Variants in PTPRK observed in about 807,000 individuals in gnomAD.
PTPRK encodes receptor-type tyrosine-protein phosphatase kappa.
In PTPRK, 75 loss-of-function variants were observed where a neutral mutation model predicts 178.0. That is an observed-to-expected ratio of 0.42 (90% CI 0.35 to 0.51). PTPRK has a LOEUF of 0.51. Among genes scored for constraint, PTPRK ranks in the 20% least tolerant of loss-of-function variants. The pLI is 0.02. For missense variants in PTPRK, 1,441 were observed against 1,797.8 expected, an observed-to-expected ratio of 0.80 and a Z score of 3.59; for synonymous variants, 637 against 620.6, an observed-to-expected ratio of 1.03 and a Z score of -0.39.
intron 13 of PTPRK, among the ~76,000 whole-genome samples, chr6:128,014,304 C>A (rs117681542): frequency 1.7e-4 from 26 of 151,740 alleles, no homozygotes; most frequent in Non-Finnish European, 3.0e-4. Context: ...CACCACCTAT[C>A]ACCAAACCAA....
At chr6:128,137,667 A>G (rs1209742243) in intron 7 of PTPRK, among the ~76,000 whole-genome samples, 2 of 152,110 alleles carry the variant, frequency 1.3e-5, no homozygotes, top group Non-Finnish European at 2.9e-5. Context: ...CCTTTGCAGT[A>G]ATACATAGTT....
intron 1 of PTPRK, among the ~76,000 whole-genome samples, chr6:128,512,724 G>A (rs1217428787): frequency 6.6e-6 from 1 of 152,098 alleles, no homozygotes; most frequent in African/African-American, 2.4e-5. Flanking sequence ...TTTTTCTCTT[G>A]AGAAAACTGA....
chr6:128,368,750 A>G (rs1287336084), intron 2 of PTPRK, among the ~76,000 whole-genome samples: 4 of 152,124 alleles, frequency 2.6e-5, no homozygotes, highest in African/African-American at 9.7e-5. Context: ...TCTGCAACTA[A>G]GTTTCCATGT....
At chr6:128,494,952 TAAATA>T (rs1854443416) in intron 1 of PTPRK, among the ~76,000 whole-genome samples, 1 of 152,178 alleles carries the variant, frequency 6.6e-6, no homozygotes, top group Non-Finnish European at 1.5e-5. Context: ...AAAAAATAAA[TAAATA>T]AAATAAACAA....
intron 6 of PTPRK, among the ~76,000 whole-genome samples, chr6:128,187,047 C>T (rs1390901779): frequency 6.6e-6 from 1 of 152,040 alleles, no homozygotes; most frequent in Admixed American, 6.6e-5. Flanking sequence ...AATAAACAGT[C>T]ACAATATGCC....
rs531542025 is a variant in PTPRK, at chr6:128,393,038, AT to A, written c.223+4527del. Among the ~76,000 whole-genome samples, 282 of 151,098 alleles carry A rather than the reference AT, an allele frequency of 1.9e-3. 2 individuals carry two copies. Among genetic ancestry groups the A allele is most frequent in the Non-Finnish European group, 3.3e-3 (222 of 67,736 alleles). ...TTGACATTTTTGTCTAAGAAAAATA[AT>A]TTTTTTTGAGAAATAAAACACAAAA... is the stretch of plus-strand genomic sequence containing the variant. On this transcript the variant is annotated intron_variant, in intron 2 of 29. Transcript: ENST00000368226.
At position 128,319,982 on chromosome 6, in the gene PTPRK, A is replaced by AAAAC. The variant is rs550393783; in HGVS notation, c.495+2053_495+2056dup. Among the ~76,000 whole-genome samples, 4 of 152,326 alleles carry AAAAC rather than the reference A, an allele frequency of 2.6e-5. No individual in the cohort carries two copies. In the South Asian group the frequency reaches 8.3e-4, roughly 32 times the overall value. On this transcript the variant is annotated intron_variant, in intron 3 of 29. Transcript: ENST00000368226. ...AGGTTAAGGAAAAAGATGTGAGAGCAAAACAATCACTTAAGAAATTATCTA... is the reference window on the plus strand; with the variant it reads ...AGGTTAAGGAAAAAGATGTGAGAGCAAAACAAACAATCACTTAAGAAATTATCTA...
At chr6:128,229,930 G>A (rs1812020437) in intron 5 of PTPRK, among the ~76,000 whole-genome samples, 1 of 152,136 alleles carries the variant, frequency 6.6e-6, no homozygotes, top group Non-Finnish European at 1.5e-5. Flanking sequence ...ATTAGGGGGA[G>A]TATGTATCTT....
At chr6:128,036,333 A>C (rs1451869989) in intron 13 of PTPRK, among the ~76,000 whole-genome samples, 1 of 152,338 alleles carries the variant, frequency 6.6e-6, no homozygotes, top group East Asian at 1.9e-4. Context: ...ATGGATAACC[A>C]AATTGTAAGA....
chr6:128,242,966 C>T (rs1814738959), intron 3 of PTPRK, among the ~76,000 whole-genome samples: 1 of 152,078 alleles, frequency 6.6e-6, no homozygotes. Context: ...CATGGAGCAC[C>T]TACTATGTGC....
chr6:128,234,803 T>G (rs1023130114), intron 5 of PTPRK, among the ~76,000 whole-genome samples: 4 of 152,346 alleles, frequency 2.6e-5, no homozygotes, highest in East Asian at 3.9e-4. Context: ...CAAGTCTTTT[T>G]GTGGGCACAT....
At chr6:127,982,746 C>A in intron 24 of PTPRK, 85 bp downstream of exon 24, 1 of 1,260,132 alleles carries the variant, frequency 7.9e-7, no homozygotes, top group South Asian at 1.5e-5. Flanking sequence ...ATAAATTTGA[C>A]TTGAAAGACC....
intron 13 of PTPRK, among the ~76,000 whole-genome samples, chr6:128,051,692 T>C (rs541913905): frequency 6.6e-6 from 1 of 152,290 alleles, no homozygotes; most frequent in East Asian, 1.9e-4. Flanking sequence ...ATGGGTATCC[T>C]GCAAGGAGCT....
intron 6 of PTPRK, among the ~76,000 whole-genome samples, chr6:128,204,331 T>C (rs1806525521): frequency 6.6e-6 from 1 of 151,968 alleles, no homozygotes; most frequent in African/African-American, 2.4e-5. Flanking sequence ...TAGAAGGAAA[T>C]CTAGGCAATA....
intron 1 of PTPRK, among the ~76,000 whole-genome samples, chr6:128,419,990 C>G (rs1330026201): frequency 1.3e-5 from 2 of 152,196 alleles, no homozygotes; most frequent in East Asian, 3.9e-4. Flanking sequence ...TAATAGCTGT[C>G]TAGTACTAAA....
chr6:128,142,572 A>G (rs1795930183), intron 7 of PTPRK, among the ~76,000 whole-genome samples: 1 of 151,630 alleles, frequency 6.6e-6, no homozygotes, highest in Admixed American at 6.6e-5. Flanking sequence ...ACACACACAC[A>G]CGTGTGGTTT....
At chr6:128,321,834 C>G (rs1390140917) in intron 3 of PTPRK, 18 of 734,208 alleles carry the variant, frequency 2.5e-5, no homozygotes, top group Middle Eastern at 2.3e-4. Flanking sequence ...TCCTCATCAA[C>G]AGGGTGGGGA....
chr6:128,155,133 T>C (rs1797788363), intron 7 of PTPRK, among the ~76,000 whole-genome samples: 1 of 151,746 alleles, frequency 6.6e-6, no homozygotes, highest in African/African-American at 2.4e-5. Context: ...TTTCTTTGCT[T>C]AGTATTATTC....
rs1453916935 is a variant in PTPRK at position 127,982,900 on chromosome 6, T to C, written c.3468A>G (p.Lys1156=). The C allele has an allele frequency of 8.1e-6, 13 of 1,612,510 alleles. No individual in the cohort carries two copies. The highest frequency in any genetic ancestry group is 1.1e-5 in the Non-Finnish European group (13 of 1,178,782). The change falls in exon 24 of 30, where the codon AAA becomes AAG. Residue 1156 remains lysine (K), a synonymous_variant. Transcript: ENST00000368226. ...GETAIPVCEF[K]AAYFDMIRID... is the part of the protein sequence containing the mutation. ...TTCTAATCATATCAAAATATGCAGC[T>C]TTAAATTCACAGACAGGTATGGCAG...
Sources: allele counts gnomAD v4.1 joint callset (sites outside exome capture counted in the v4.1 genomes callset), GRCh38; gene constraint gnomAD v4.1.1; transcripts MANE v1.5; gene names NCBI Gene and HGNC (gene_info 2026-07-23, HGNC 2026-07-21).